RPSA2: variants seen among roughly 807,000 people sequenced by gnomAD.
RPSA2 encodes small ribosomal subunit protein uS2B.
the RPSA2 span, among the ~76,000 whole-genome samples, chr19:23,804,138 G>A: frequency 6.6e-6 from 1 of 152,140 alleles, no homozygotes; most frequent in Admixed American, 6.5e-5. Flanking sequence ...GACTTACTCA[G>A]AAATTGCTGC....
At chr19:23,767,854 C>G in the RPSA2 span, among the ~76,000 whole-genome samples, 2 of 148,616 alleles carry the variant, frequency 1.3e-5, no homozygotes, top group East Asian at 4.0e-4. Context: ...ACAACCTCCG[C>G]CTCCCGGGTT....
chr19:23,858,017 T>C, the RPSA2 span, among the ~76,000 whole-genome samples: 1 of 152,032 alleles, frequency 6.6e-6, no homozygotes, highest in Non-Finnish European at 1.5e-5. Flanking sequence ...GAAGTTACTA[T>C]CATGATGTTT....
chr19:23,811,456 A>G, the RPSA2 span, among the ~76,000 whole-genome samples: 1 of 152,054 alleles, frequency 6.6e-6, no homozygotes, highest in African/African-American at 2.4e-5. Flanking sequence ...TTAAAAAGGC[A>G]TTTTCATCAG....
chr19:23,805,131 AC>A, the RPSA2 span, among the ~76,000 whole-genome samples: 13 of 564 alleles, frequency 0.023, 1 homozygote, highest in South Asian at 0.36. Context: ...GCACACACAC[AC>A]ACACACACAC....
At chr19:23,866,838 T>C in the RPSA2 span, among the ~76,000 whole-genome samples, 2 of 151,412 alleles carry the variant, frequency 1.3e-5, no homozygotes, top group Non-Finnish European at 2.9e-5. Flanking sequence ...CCACTGGCAT[T>C]TGGGGACATT....
At chr19:23,761,934 T>TCTCTCTCTCTCTCTCTC in the RPSA2 span, among the ~76,000 whole-genome samples, 10 of 129,938 alleles carry the variant, frequency 7.7e-5, no homozygotes, top group East Asian at 2.4e-4. Context: ...TTTTTTTTTT[T>TCTCTCTCTCTCTCTCTC]TGAGATGGAG....
the RPSA2 span, among the ~76,000 whole-genome samples, chr19:23,764,575 G>A: frequency 1.3e-5 from 2 of 152,090 alleles, no homozygotes; most frequent in Admixed American, 6.6e-5. Context: ...TGCCTCCCAG[G>A]TTCAAGTGAT....
the RPSA2 span, among the ~76,000 whole-genome samples, chr19:23,770,564 A>C: frequency 0.047 from 7,208 of 152,272 alleles, 244 homozygotes; most frequent in South Asian, 0.16. Context: ...GGCCTTGTGA[A>C]ATATCTTTGC....
At chr19:23,860,901 C>G in the RPSA2 span, among the ~76,000 whole-genome samples, 1 of 152,148 alleles carries the variant, frequency 6.6e-6, no homozygotes, top group Non-Finnish European at 1.5e-5. Context: ...TCATAACTTG[C>G]TCAGGCACAC....
At chr19:23,788,975 A>T in the RPSA2 span, among the ~76,000 whole-genome samples, 147,352 of 150,640 alleles carry the variant, frequency 0.98, 72,163 homozygotes, top group Middle Eastern at 1. Flanking sequence ...AGCACCCAGA[A>T]GATGTGACTT....
the RPSA2 span, among the ~76,000 whole-genome samples, chr19:23,824,523 T>C: frequency 6.6e-6 from 1 of 151,908 alleles, no homozygotes; most frequent in Non-Finnish European, 1.5e-5. Flanking sequence ...ACTTCAGTTT[T>C]ATGATGGTGT....
At chr19:23,771,330 A>G in the RPSA2 span, among the ~76,000 whole-genome samples, 2 of 152,208 alleles carry the variant, frequency 1.3e-5, no homozygotes, top group Non-Finnish European at 2.9e-5. Flanking sequence ...CACATGTGTG[A>G]GTTGTTGACT....
At chr19:23,848,150 A>C in the RPSA2 span, among the ~76,000 whole-genome samples, 1 of 152,200 alleles carries the variant, frequency 6.6e-6, no homozygotes, top group Non-Finnish European at 1.5e-5. Flanking sequence ...TAAGAGATTA[A>C]AGTAAGATAG....
At chr19:23,866,558 T>G in the RPSA2 span, among the ~76,000 whole-genome samples, 1 of 135,356 alleles carries the variant, frequency 7.4e-6, no homozygotes, top group African/African-American at 2.7e-5. Context: ...CTGTCCTCTC[T>G]GTAACAAAGG....
the RPSA2 span, among the ~76,000 whole-genome samples, chr19:23,867,005 C>A: frequency 6.6e-6 from 1 of 152,152 alleles, no homozygotes; most frequent in Non-Finnish European, 1.5e-5. Flanking sequence ...GAATATATAG[C>A]ACAATTATTG....
chr19:23,829,518 C>T, the RPSA2 span, among the ~76,000 whole-genome samples: 1 of 152,194 alleles, frequency 6.6e-6, no homozygotes, highest in Non-Finnish European at 1.5e-5. Context: ...TCAGGCTAGT[C>T]TTGAACTCCT....
chr19:23,869,417 G>T, the RPSA2 span, among the ~76,000 whole-genome samples: 1 of 109,348 alleles, frequency 9.1e-6, no homozygotes, highest in Non-Finnish European at 2.0e-5. Context: ...CGGCCCAATT[G>T]CCCCAACTGT....
At chr19:23,770,662 A>G in the RPSA2 span, among the ~76,000 whole-genome samples, 536 of 152,292 alleles carry the variant, frequency 3.5e-3, 4 homozygotes, top group African/African-American at 0.012. Context: ...CTCAGCAATC[A>G]GGTGATCTGT....
the RPSA2 span, among the ~76,000 whole-genome samples, chr19:23,861,307 G>A: frequency 6.6e-6 from 1 of 152,128 alleles, no homozygotes; most frequent in African/African-American, 2.4e-5. Context: ...TTCAAAAGTA[G>A]GTTTCATATG....
Sources: allele counts gnomAD v4.1 joint callset (sites outside exome capture counted in the v4.1 genomes callset), GRCh38; gene constraint gnomAD v4.1.1; transcripts MANE v1.5; gene names NCBI Gene and HGNC (gene_info 2026-07-23, HGNC 2026-07-21).